Variants in KCNIP1 observed in about 807,000 individuals in gnomAD.
The protein encoded by KCNIP1 is A-type potassium channel modulatory protein KCNIP1.
KCNIP1 carries 18 observed loss-of-function variants against 33.0 expected under a neutral mutation model. The ratio of observed to expected loss-of-function variants is 0.55; its 90% CI spans 0.38 to 0.81. KCNIP1 has a LOEUF of 0.81. Ranked by LOEUF, KCNIP1 falls within the 30% of genes least tolerant of loss-of-function variation. The pLI, the probability that KCNIP1 is intolerant of heterozygous loss-of-function variation, is 0.00. For missense variants in KCNIP1, 238 were observed against 271.6 expected (o/e 0.88, Z 0.87); for synonymous variants, 93 against 98.3 (o/e 0.95, Z 0.32).
At chr5:170,354,466 G>A (rs1763292449) in intron 1 of KCNIP1, among the ~76,000 whole-genome samples, 1 of 152,196 alleles carries the variant, frequency 6.6e-6, no homozygotes, top group Admixed American at 6.5e-5. Context: ...CAAGTGCCAA[G>A]AGCCTCCTCT....
intron 1 of KCNIP1, among the ~76,000 whole-genome samples, chr5:170,569,168 T>G (rs1315940604): frequency 6.6e-6 from 1 of 152,210 alleles, no homozygotes; most frequent in Non-Finnish European, 1.5e-5. Context: ...TAGACAGACC[T>G]CTTTAGCAGT....
At chr5:170,598,306 G>A (rs1758537266) in intron 1 of KCNIP1, among the ~76,000 whole-genome samples, 1 of 152,138 alleles carries the variant, frequency 6.6e-6, no homozygotes, top group East Asian at 1.9e-4. Context: ...GATCACCAGT[G>A]GGAGTCCAGA....
At chr5:170,478,907 G>T (rs866779227) in intron 1 of KCNIP1, among the ~76,000 whole-genome samples, 2 of 141,156 alleles carry the variant, frequency 1.4e-5, no homozygotes, top group African/African-American at 5.2e-5. Flanking sequence ...TGAAAAGGAA[G>T]ATAAAAAAAA....
At chr5:170,677,325 C>T (rs1762180119) in intron 1 of KCNIP1, among the ~76,000 whole-genome samples, 1 of 152,166 alleles carries the variant, frequency 6.6e-6, no homozygotes, top group African/African-American at 2.4e-5. Flanking sequence ...AGAGATTGTG[C>T]TCTGGACCTC....
Position 170,601,408 on chromosome 5 carries a change from C to T in KCNIP1, c.61+96775C>T, listed in dbSNP as rs981029605. ...ACATCATCCGGGAGCTGGACTAGAA[C>T]GTCCCGGGAAACTTCAGCCTGGCTT... is the stretch of plus-strand genomic sequence containing the variant. On this transcript the variant is annotated intron_variant, in intron 1 of 7. Coordinates refer to ENST00000328939, the MANE Select transcript of KCNIP1 (RefSeq NM_014592.4). 3.9e-5 allele frequency among the ~76,000 whole-genome samples: 6 copies of T among 152,306 alleles called. No homozygotes were observed. The East Asian group carries it at 1.2e-3, about 29-fold the overall frequency.
chr5:170,595,755 T>G (rs536696163), intron 1 of KCNIP1, among the ~76,000 whole-genome samples: 3 of 152,348 alleles, frequency 2.0e-5, no homozygotes, highest in Admixed American at 6.5e-5. Flanking sequence ...TTGCCAAGGT[T>G]ACACTGCTAG....
At chr5:170,724,904 A>G (rs1325174769) in intron 5 of KCNIP1, among the ~76,000 whole-genome samples, 1 of 152,228 alleles carries the variant, frequency 6.6e-6, no homozygotes, top group Admixed American at 6.5e-5. Context: ...AATTTGATTT[A>G]TAGATTTAGT....
chr5:170,603,827 A>G (rs1758792740), intron 1 of KCNIP1, among the ~76,000 whole-genome samples: 1 of 152,242 alleles, frequency 6.6e-6, no homozygotes, highest in Non-Finnish European at 1.5e-5. Flanking sequence ...GTCAGAAAGC[A>G]TCTGAAATTT....
intron 1 of KCNIP1, among the ~76,000 whole-genome samples, chr5:170,612,786 T>C (rs1370541463): frequency 6.6e-6 from 1 of 152,188 alleles, no homozygotes; most frequent in Non-Finnish European, 1.5e-5. Flanking sequence ...TGCTGTATCT[T>C]CTTTCAGATA....
chr5:170,644,477 G>A (rs149912157), intron 1 of KCNIP1, among the ~76,000 whole-genome samples: 87 of 152,322 alleles, frequency 5.7e-4, no homozygotes, highest in African/African-American at 1.9e-3. Flanking sequence ...GGGGCTGGGC[G>A]GAGGAGCAGC....
chr5:170,513,333 A>G (rs1310609037), intron 1 of KCNIP1, among the ~76,000 whole-genome samples: 1 of 152,226 alleles, frequency 6.6e-6, no homozygotes, highest in African/African-American at 2.4e-5. Flanking sequence ...TAGGCCTGAC[A>G]TCCGAACCCC....
chr5:170,681,014 T>G (rs1762324059), intron 1 of KCNIP1: 1 of 399,108 alleles, frequency 2.5e-6, no homozygotes, highest in Admixed American at 4.4e-5. Context: ...GAAGCCTGGT[T>G]TTCTGGCTTT....
At chr5:170,698,940 T>C (rs1581515952) in intron 1 of KCNIP1, among the ~76,000 whole-genome samples, 1 of 152,074 alleles carries the variant, frequency 6.6e-6, no homozygotes, top group African/African-American at 2.4e-5. Context: ...CCGGAGGATC[T>C]CCACCCTCAC....
Position 170,718,883 on chromosome 5 carries a change from G to C in KCNIP1, c.186+1G>C. 1 of 1,610,390 alleles carries C rather than the reference G, an allele frequency of 6.2e-7. No individual in the cohort carries two copies. The highest frequency in any genetic ancestry group is 2.2e-5 in the East Asian group (1 of 44,710). ...GGTCCTTTATCGAGGCTTCAAAAATGTAAGACCCGTGCACGCTCTGAAGGC... is the reference window on the plus strand; with the variant it reads ...GGTCCTTTATCGAGGCTTCAAAAATCTAAGACCCGTGCACGCTCTGAAGGC... On this transcript the variant is annotated splice_donor_variant, in intron 2 of 7. Transcript: ENST00000328939. LOFTEE classifies it high-confidence loss of function.
chr5:170,527,894 C>T (rs189697818), intron 1 of KCNIP1, among the ~76,000 whole-genome samples: 4 of 152,032 alleles, frequency 2.6e-5, no homozygotes, highest in Admixed American at 6.6e-5. Flanking sequence ...TTTGGGGGGA[C>T]GCACTTAAAT....
At chr5:170,582,308 G>A (rs1019650870) in intron 1 of KCNIP1, among the ~76,000 whole-genome samples, 2 of 152,210 alleles carry the variant, frequency 1.3e-5, no homozygotes, top group African/African-American at 4.8e-5. Flanking sequence ...TACTTGTTGA[G>A]TAGTCCTGAG....
chr5:170,405,654 GTGTC>G (rs1423205624), intron 1 of KCNIP1, among the ~76,000 whole-genome samples: 18 of 152,206 alleles, frequency 1.2e-4, no homozygotes, highest in African/African-American at 3.9e-4. Context: ...AAAAGTATTA[GTGTC>G]TGTGGTCATT....
intron 1 of KCNIP1, among the ~76,000 whole-genome samples, chr5:170,553,873 G>T (rs78235265): frequency 0.013 from 1,957 of 152,270 alleles, 46 homozygotes; most frequent in African/African-American, 0.045. Flanking sequence ...TGTGGACCCG[G>T]GTTCATCCTT....
chr5:170,506,224 G>A (rs561237734), intron 1 of KCNIP1, among the ~76,000 whole-genome samples: 2 of 152,234 alleles, frequency 1.3e-5, no homozygotes, highest in African/African-American at 4.8e-5. Context: ...AGTGGAGTCT[G>A]GGTGTGAATC....
Sources: gnomAD v4.1 joint callset for allele counts (sites outside exome capture counted in the v4.1 genomes callset) on GRCh38, gnomAD v4.1.1 for gene constraint, MANE v1.5 for transcripts, NCBI Gene and HGNC (gene_info 2026-07-23, HGNC 2026-07-21) for gene names.